TMPRSS6: variants seen among roughly 807,000 people sequenced by gnomAD.
TMPRSS6 encodes the protein transmembrane protease serine 6.
A neutral mutation model predicts 101.5 loss-of-function variants in TMPRSS6; 67 were observed. That is an observed-to-expected ratio of 0.66 (90% CI 0.54 to 0.81). The LOEUF is 0.81. Among genes scored for constraint, TMPRSS6 ranks in the 30% least tolerant of loss-of-function variants. The probability of loss-of-function intolerance (pLI) is 0.00; values close to 1 mark genes in which losing one functional copy is unlikely to be tolerated. For missense variants in TMPRSS6, 1,034 were observed against 1,088.7 expected, an observed-to-expected ratio of 0.95 and a Z score of 0.71; for synonymous variants, 453 against 464.9, an observed-to-expected ratio of 0.97 and a Z score of 0.33.
chr22:37,075,571 A>G (rs1350088612), intron 10 of TMPRSS6, among the ~76,000 whole-genome samples: 3 of 152,214 alleles, frequency 2.0e-5, no homozygotes, highest in Non-Finnish European at 4.4e-5. Context: ...CTAGCAAGTC[A>G]GGGTCCTTCT....
chr22:37,098,509 G>T lies in TMPRSS6; in HGVS notation c.243C>A (p.Gly81=), dbSNP rs147397866. 724 of 1,614,122 alleles carry T rather than the reference G, an allele frequency of 4.5e-4. No homozygotes were observed. The highest frequency in any genetic ancestry group is 5.9e-4 in the Non-Finnish European group (699 of 1,180,020). The part of the protein sequence containing the change: ...AEVMVSQVYS[G]SLRVLNRHFS... ...AGTGGCGATTGAGTACACGCAGACT[G>T]CCTGAGTACACCTGGCTGACCATCA... The change falls in exon 3 of 18, where the codon GGC becomes GGA. Residue 81 remains glycine (G), a synonymous_variant. Coordinates refer to ENST00000676104, the MANE Select transcript of TMPRSS6 (RefSeq NM_001374504.1).
In TMPRSS6 at chr22:37,096,417, T is replaced by C. The variant is rs116139557; in HGVS notation, c.404+231A>G. ...CGCCTCGCCTGATGGTGTCAGGCCC[T>C]TGATCAGCCATCACAGTCATTGTCT... is the stretch of plus-strand genomic sequence containing the variant. On this transcript the variant is annotated intron_variant, in intron 4 of 17. Coordinates refer to ENST00000676104, the MANE Select transcript of TMPRSS6 (RefSeq NM_001374504.1). 3.3e-3 allele frequency among the ~76,000 whole-genome samples: 498 copies of C among 152,304 alleles called. 1 individual carries two copies. The highest frequency in any genetic ancestry group is 0.011 in the African/African-American group (476 of 41,556).
At chr22:37,067,896 G>A (rs566353519) in intron 16 of TMPRSS6, among the ~76,000 whole-genome samples, 24 of 53,602 alleles carry the variant, frequency 4.5e-4, no homozygotes, top group African/African-American at 1.7e-3. Context: ...GCCCAGGCAC[G>A]CCTGCCCCCC....
At chr22:37,098,286 G>T in intron 3 of TMPRSS6, 130 bp downstream of exon 3, 1 of 1,365,000 alleles carries the variant, frequency 7.3e-7, no homozygotes, top group Non-Finnish European at 1.0e-6. Flanking sequence ...CTTCCATGGT[G>T]CCTGGAGCAG....
At chr22:37,073,764 T>C (rs571214929) in intron 12 of TMPRSS6, 119 bp from the exon 13 acceptor site, 7 of 754,246 alleles carry the variant, frequency 9.3e-6, no homozygotes, top group African/African-American at 6.8e-5. Context: ...TCTCTTTCTC[T>C]GCTACTTTAT....
rs1568997583 is a variant in TMPRSS6 at position 37,070,922 on chromosome 22, GCTC to G, written c.1663_1665del (p.Glu555del). On this transcript the variant is annotated inframe_deletion, in exon 14 of 18. Transcript: ENST00000676104. Reference sequence around the variant, plus strand: ...GCAGCCAGGCAGGGCTCACCACAGTGCTCCTCATCCGAGCCGTCCCTGCAGTCG... The same window carrying G: ...GCAGCCAGGCAGGGCTCACCACAGTGCTCATCCGAGCCGTCCCTGCAGTCG... 1.9e-6 allele frequency: 3 copies of G among 1,612,982 alleles called. No homozygotes were observed. The highest frequency in any genetic ancestry group is 2.5e-6 in the Non-Finnish European group (3 of 1,179,962).
intron 2 of TMPRSS6, among the ~76,000 whole-genome samples, chr22:37,099,434 T>C (rs1930106300): frequency 6.6e-6 from 1 of 152,168 alleles, no homozygotes; most frequent in South Asian, 2.1e-4. Context: ...AATGATGTCA[T>C]CAGACTTCTG....
At chr22:37,091,217 A>G (rs538519038) in intron 6 of TMPRSS6, among the ~76,000 whole-genome samples, 50 of 152,362 alleles carry the variant, frequency 3.3e-4, no homozygotes, top group African/African-American at 1.1e-3. Context: ...AAACCTCGCC[A>G]GAAGCCTGGT....
At chr22:37,071,674 G>A (rs1220928216) in intron 13 of TMPRSS6, among the ~76,000 whole-genome samples, 2 of 152,202 alleles carry the variant, frequency 1.3e-5, no homozygotes, top group African/African-American at 4.8e-5. Context: ...ACTGCACCTT[G>A]CCTATCGCTG....
chr22:37,103,618 G>C lies in TMPRSS6; in HGVS notation c.-1-200C>G, dbSNP rs899045595. On this transcript the variant is annotated intron_variant, in intron 1 of 17. Transcript: ENST00000676104. The surrounding 1 kb of genome is among the most constrained non-coding windows in gnomAD (Gnocchi z 4.4). ...GCATCTCAGGTCAGCTCGCACCAGA[G>C]GGCAGGCACCAGAGCTGGACTGGGT... is the stretch of plus-strand genomic sequence containing the variant. 3.0e-5 allele frequency: 48 copies of C among 1,602,596 alleles called. No individual in the cohort carries two copies. The African/African-American group carries it at 6.0e-4, about 20-fold the overall frequency.
Position 37,067,102 on chromosome 22 carries a change from C to T in TMPRSS6, c.2114-140G>A, listed in dbSNP as rs1009000022. Reference sequence around the variant, plus strand: ...CACCCTTACCCCTGCTAGGGTCGCACCTGCCCCTCTGCCTCCCTGTCACTT... The same window carrying T: ...CACCCTTACCCCTGCTAGGGTCGCATCTGCCCCTCTGCCTCCCTGTCACTT... On this transcript the variant is annotated intron_variant, in intron 16 of 17. Coordinates refer to ENST00000676104, the MANE Select transcript of TMPRSS6 (RefSeq NM_001374504.1). 7.1e-6 allele frequency: 9 copies of T among 1,269,870 alleles called. No individual in the cohort carries two copies. The African/African-American group carries it at 7.4e-5, about 10-fold the overall frequency. The allele number at this position is 1,269,870 out of a possible 1,614,324, so 78.7% of individuals were successfully genotyped here. A position where few individuals can be genotyped will look rare whatever the true frequency, so the allele number is the denominator to read the frequency against.
Position 37,069,354 on chromosome 22 carries a change from G to T in TMPRSS6, c.1842-10C>A. The T allele has an allele frequency of 6.8e-7, 1 of 1,469,670 alleles. No homozygotes were observed. The highest frequency in any genetic ancestry group is 9.2e-7 in the Non-Finnish European group (1 of 1,087,834). 91.0% of individuals were successfully genotyped at this position (1,469,670 alleles called of 1,614,324 possible). On this transcript the variant is annotated splice_polypyrimidine_tract_variant and intron_variant, in intron 15 of 17. Transcript: ENST00000676104. The surrounding 1 kb of genome is among the most constrained non-coding windows in gnomAD (Gnocchi z 4.8). Reference sequence around the variant, plus strand: ...CACCGTGGAGGCCATGCTGGGGTGGGGTGGGGTGGGGTGGGGTGGGGTGAG... The same window carrying T: ...CACCGTGGAGGCCATGCTGGGGTGGTGTGGGGTGGGGTGGGGTGGGGTGAG...
At chr22:37,072,753 A>ACGATGGG (rs1927206879) in intron 13 of TMPRSS6, among the ~76,000 whole-genome samples, 1 of 137,012 alleles carries the variant, frequency 7.3e-6, no homozygotes, top group Non-Finnish European at 1.6e-5. Flanking sequence ...GGATGGATGG[A>ACGATGGG]TGGATAGATG....
rs142971835 is a variant in TMPRSS6, at chr22:37,096,661, C to T, written c.391G>A (p.Val131Ile). ...AGGACAACTCACCCAAAGGAATAGA[C>T]GGAGCTGGAGTTGTAGTAAGTTCCC... ...RLGTYYNSSS[V>I]YSFGEGPLTC... The change falls in exon 4 of 18, where the codon GTC becomes ATC. Residue 131 changes from valine (V) to isoleucine (I), a missense_variant. Transcript: ENST00000676104. The T allele has an allele frequency of 3.5e-5, 55 of 1,564,580 alleles. No homozygotes were observed. Among genetic ancestry groups the T allele is most frequent in the Middle Eastern group, 3.3e-4 (2 of 6,000 alleles).
Position 37,089,562 on chromosome 22 carries a change from C to CA in TMPRSS6, c.836+15_836+16insT. 6.3e-7 allele frequency: 1 copy of CA among 1,595,676 alleles called. No homozygotes were observed. The highest frequency in any genetic ancestry group is 8.5e-7 in the Non-Finnish European group (1 of 1,169,726). On this transcript the variant is annotated intron_variant, in intron 7 of 17. Coordinates refer to ENST00000676104, the MANE Select transcript of TMPRSS6 (RefSeq NM_001374504.1). ...TTTTCCAGCCCTCCCTCCTGCCCTC[C>CA]TTCCCAGGGACTCACGAGGTGATGA...
At position 37,069,157 on chromosome 22, in the gene TMPRSS6, GGCGCACGGCGGCCGA is replaced by G; in HGVS notation, c.2014_2028del (p.Ser672_Arg676del). On this transcript the variant is annotated inframe_deletion, in exon 16 of 18. Coordinates refer to ENST00000676104, the MANE Select transcript of TMPRSS6 (RefSeq NM_001374504.1). The surrounding 1 kb of genome is among the most constrained non-coding windows in gnomAD (Gnocchi z 4.8). ...TGGGAGCGCGCGGGCAGGCAGACGG[GGCGCACGGCGGCCGA>G]GCGCACCACCGGGTGGTCGAGCTGC... 6.3e-7 allele frequency: 1 copy of G among 1,579,334 alleles called. No homozygotes were observed. Among genetic ancestry groups the G allele is most frequent in the Non-Finnish European group, 8.6e-7 (1 of 1,164,064 alleles).
chr22:37,084,532 C>A, intron 9 of TMPRSS6, 128 bp from the exon 10 acceptor site: 4 of 840,372 alleles, frequency 4.8e-6, no homozygotes, highest in Non-Finnish European at 8.0e-6. Context: ...AGTCACTCAA[C>A]AAACAGGCAT....
At chr22:37,074,270 C>T (rs1291290666) in intron 12 of TMPRSS6, among the ~76,000 whole-genome samples, 2 of 152,172 alleles carry the variant, frequency 1.3e-5, no homozygotes, top group Non-Finnish European at 2.9e-5. Context: ...ATATTTAAAC[C>T]TTTGACAGGG....
intron 16 of TMPRSS6, among the ~76,000 whole-genome samples, chr22:37,067,647 A>T (rs1201179668): frequency 6.6e-6 from 1 of 152,044 alleles, no homozygotes; most frequent in Non-Finnish European, 1.5e-5. Context: ...TGGTTTCCTT[A>T]GAACTCTGCA....
Sources: gnomAD v4.1 joint callset for allele counts (sites outside exome capture counted in the v4.1 genomes callset) on GRCh38, gnomAD v4.1.1 for gene constraint, Gnocchi (gnomAD v3.1) non-coding constraint, MANE v1.5 for transcripts, NCBI Gene and HGNC (gene_info 2026-07-23, HGNC 2026-07-21) for gene names.